The following SPPL2B variants were observed in gnomAD, a reference collection of about 807,000 sequenced individuals.
The protein encoded by SPPL2B is signal peptide peptidase like 2B.
In SPPL2B, 39 loss-of-function variants were observed where a neutral mutation model predicts 59.7. That is an observed-to-expected ratio of 0.65 (90% CI 0.51 to 0.85). The LOEUF (loss-of-function observed/expected upper bound fraction) is 0.85. Among genes scored for constraint, SPPL2B ranks in the 40% least tolerant of loss-of-function variants. SPPL2B has a pLI of 0.00. For missense variants in SPPL2B, 865 were observed against 849.0 expected, an observed-to-expected ratio of 1.02 and a Z score of -0.23; for synonymous variants, 419 against 370.8, an observed-to-expected ratio of 1.13 and a Z score of -1.49.
chr19:2,328,699 C>A lies in SPPL2B; in HGVS notation c.-11C>A. 1.4e-6 allele frequency: 2 copies of A among 1,433,312 alleles called. No individual in the cohort carries two copies. The highest frequency in any genetic ancestry group is 3.0e-5 in the Admixed American group (1 of 33,370). The allele number at this position is 1,433,312 out of a possible 1,614,324, so 88.8% of individuals were successfully genotyped here. On this transcript the variant is annotated 5_prime_UTR_variant, in exon 1 of 15. Transcript: ENST00000613503. Reference sequence around the variant, plus strand: ...AACATCTGCCGTTGGTTGCGGCGGGCACCGGCCGACATGGCGGCAGCGGTG... The same window carrying A: ...AACATCTGCCGTTGGTTGCGGCGGGAACCGGCCGACATGGCGGCAGCGGTG...
intron 2 of SPPL2B, among the ~76,000 whole-genome samples, chr19:2,335,412 C>A (rs559206715): frequency 1.4e-5 from 2 of 139,974 alleles, no homozygotes; most frequent in Non-Finnish European, 3.1e-5. Flanking sequence ...CCACTGCATG[C>A]TTCAGGCCCC....
rs1215454774 is a variant in SPPL2B, at chr19:2,354,686, T to C, written c.*1477T>C. The C allele has an allele frequency of 6.6e-6, 1 of 152,184 alleles. No individual in the cohort carries two copies. Among genetic ancestry groups the C allele is most frequent in the Admixed American group, 6.5e-5 (1 of 15,270 alleles). The allele number at this position is 152,184 out of a possible 1,614,324, so 9.4% of individuals were successfully genotyped here. A position where few individuals can be genotyped will look rare whatever the true frequency, so the allele number is the denominator to read the frequency against. On this transcript the variant is annotated 3_prime_UTR_variant, in exon 15 of 15. Transcript: ENST00000613503. ...CGGGGTGGGGACGTCTCTTTTTTGG[T>C]GTTGGACGTTTGACCAGTGGGGAGG... is the stretch of plus-strand genomic sequence containing the variant.
chr19:2,344,513 G>A (rs1378293194), intron 11 of SPPL2B, 40 bp from the exon 12 acceptor site: 3 of 1,588,942 alleles, frequency 1.9e-6, no homozygotes, highest in Middle Eastern at 1.7e-4. Context: ...GCGGCCGGGT[G>A]AGGGTCCTGG....
At chr19:2,347,113 TTC>T (rs202041624) in intron 13 of SPPL2B, among the ~76,000 whole-genome samples, 5 of 151,936 alleles carry the variant, frequency 3.3e-5, no homozygotes, top group Admixed American at 6.6e-5. Context: ...CTTGATTCCG[TTC>T]TCTCTCCCTC....
At chr19:2,336,208 T>C (rs1968599469) in intron 2 of SPPL2B, among the ~76,000 whole-genome samples, 1 of 151,766 alleles carries the variant, frequency 6.6e-6, no homozygotes, top group African/African-American at 2.4e-5. Flanking sequence ...TGAATGTGTA[T>C]GTCTGTTTTT....
In SPPL2B at chr19:2,351,060, G is replaced by A. The variant is rs562421227; in HGVS notation, c.1355-374G>A. ...TCAGGCACATGTGTCACCTTCGGCT[G>A]ATTTTCTCAGAGGTTCATAGAAACT... On this transcript the variant is annotated intron_variant, in intron 13 of 14. Coordinates refer to ENST00000613503, the MANE Select transcript of SPPL2B (RefSeq NM_152988.3). 7.2e-5 allele frequency among the ~76,000 whole-genome samples: 11 copies of A among 152,336 alleles called. No homozygotes were observed. The South Asian group carries it at 1.9e-3, about 26-fold the overall frequency.
chr19:2,350,761 C>T (rs142561221), intron 13 of SPPL2B, among the ~76,000 whole-genome samples: 124 of 152,340 alleles, frequency 8.1e-4, no homozygotes, highest in Admixed American at 1.7e-3. Context: ...TTTGGCAGGA[C>T]GCGGGTGGGT....
Position 2,337,780 on chromosome 19 carries a change from G to C in SPPL2B, c.369+155G>C, listed in dbSNP as rs1013502780. The C allele has an allele frequency of 2.6e-5, 20 of 761,760 alleles. No homozygotes were observed. In the South Asian group the frequency reaches 3.8e-4, roughly 15 times the overall value. 47.2% of individuals were successfully genotyped at this position (761,760 alleles called of 1,614,324 possible). A position where few individuals can be genotyped will look rare whatever the true frequency, so the allele number is the denominator to read the frequency against. ...TCTGGGCCGAGTGTGAACATGGGGA[G>C]GATCCGGGCCGAGTGTGGCCGTGGG... On this transcript the variant is annotated intron_variant, in intron 3 of 14. Coordinates refer to ENST00000613503, the MANE Select transcript of SPPL2B (RefSeq NM_152988.3).
chr19:2,345,719 G>A (rs956198830), intron 13 of SPPL2B, among the ~76,000 whole-genome samples: 7 of 137,006 alleles, frequency 5.1e-5, no homozygotes, highest in East Asian at 4.6e-4. Context: ...CTGTGCCTCC[G>A]TCCCCGTCTT....
intron 8 of SPPL2B, chr19:2,342,310 T>G (rs914200935): frequency 1.3e-5 from 2 of 152,428 alleles, no homozygotes; most frequent in African/African-American, 4.8e-5. Context: ...CCCCACCCAC[T>G]GTGGACCCAG....
rs535285748 is a variant in SPPL2B, at chr19:2,347,752, G to A, written c.1354+2422G>A. 1.5e-4 allele frequency among the ~76,000 whole-genome samples: 5 copies of A among 33,222 alleles called. 1 individual carries two copies. The highest frequency in any genetic ancestry group is 7.4e-4 in the East Asian group (1 of 1,358). The allele number at this position is 33,222 out of a possible 152,430, so 21.8% of individuals were successfully genotyped here. On this transcript the variant is annotated intron_variant, in intron 13 of 14. Transcript: ENST00000613503. ...CACGCGCTCTCATTCGCCTGATTCC[G>A]TTCTCTCTCCACACACACACACTCT...
chr19:2,353,006 G>C lies in SPPL2B; in HGVS notation c.1576G>C (p.Asp526His). Reference protein sequence around the residue: ...APADGPQPPKDSATPLSPQPP... With the variant: ...APADGPQPPKHSATPLSPQPP... ...AGCCGACGGCCCGCAGCCTCCCAAA[G>C]ACTCTGCCACGCCACTCTCCCCGCA... is the stretch of plus-strand genomic sequence containing the variant. The change falls in exon 15 of 15, where the codon GAC (aspartate) becomes CAC (histidine). Residue 526 changes from aspartate (D) to histidine (H), a missense_variant. Coordinates refer to ENST00000613503, the MANE Select transcript of SPPL2B (RefSeq NM_152988.3). 6.2e-7 allele frequency: 1 copy of C among 1,612,104 alleles called. No homozygotes were observed. The highest frequency in any genetic ancestry group is 8.5e-7 in the Non-Finnish European group (1 of 1,179,682).
Position 2,340,942 on chromosome 19 carries a change from C to T in SPPL2B, c.884C>T (p.Ala295Val). Reference sequence around the variant, plus strand: ...CCCTACTTCCACAAGCGCCCGCAGGCCCGTATGCTGCTCCTGGCGCTCTTC... The same window carrying T: ...CCCTACTTCCACAAGCGCCCGCAGGTCCGTATGCTGCTCCTGGCGCTCTTC... ...SLPYFHKRPQ[A>V]RMLLLALFCV... Residue 295 changes from alanine to valine, a missense_variant, in exon 8 of 15, where the codon GCC becomes GTC. By Grantham distance (64) the Ala-to-Val change is moderately conservative. Transcript: ENST00000613503. The T allele has an allele frequency of 6.2e-7, 1 of 1,603,270 alleles. No individual in the cohort carries two copies. The highest frequency in any genetic ancestry group is 8.5e-7 in the Non-Finnish European group (1 of 1,179,352).
intron 12 of SPPL2B, 103 bp from the exon 13 acceptor site, chr19:2,345,150 G>A: frequency 1.2e-6 from 1 of 855,838 alleles, no homozygotes; most frequent in Non-Finnish European, 1.9e-6. Context: ...GCAGCGAGAG[G>A]CCCACGGCGC....
At chr19:2,330,346 C>T (rs1968218310) in intron 1 of SPPL2B, 1 of 148,008 alleles carries the variant, frequency 6.8e-6, no homozygotes, top group South Asian at 2.1e-4. Flanking sequence ...AACTTCAGAC[C>T]TCAGGTGATC....
chr19:2,332,760 G>A lies in SPPL2B; in HGVS notation c.67-1842G>A, dbSNP rs557204098. Reference sequence around the variant, plus strand: ...GGGACCCCTCCTCCCTGTGCAGGCCGGGCTCCCCTGGGGGCCCACACTGAG... The same window carrying A: ...GGGACCCCTCCTCCCTGTGCAGGCCAGGCTCCCCTGGGGGCCCACACTGAG... On this transcript the variant is annotated intron_variant, in intron 1 of 14. Transcript: ENST00000613503. This position sits in a 1 kb window ranked among gnomAD's most constrained non-coding sequence, Gnocchi z 4.6. Among the ~76,000 whole-genome samples the A allele has an allele frequency of 3.9e-5, 6 of 152,268 alleles. No homozygotes were observed. The highest frequency in any genetic ancestry group is 4.1e-4 in the South Asian group (2 of 4,828).
chr19:2,344,794 G>C (rs927951840), intron 12 of SPPL2B, 142 bp downstream of exon 12: 2 of 661,940 alleles, frequency 3.0e-6, no homozygotes, highest in East Asian at 5.4e-5. Context: ...GGTTGGGGCC[G>C]TTGAGGCCTG....
intron 1 of SPPL2B, 123 bp from the exon 2 acceptor site, chr19:2,334,479 C>T: frequency 2.2e-6 from 3 of 1,346,052 alleles, no homozygotes; most frequent in South Asian, 1.4e-5. Flanking sequence ...GCATCCCAGA[C>T]CACCTGGTGA....
At chr19:2,343,591 G>A (rs535439746) in intron 9 of SPPL2B, among the ~76,000 whole-genome samples, 1 of 152,144 alleles carries the variant, frequency 6.6e-6, no homozygotes, top group Admixed American at 6.5e-5. Flanking sequence ...GTGGTACCGG[G>A]AGTGCGGGGA....
Sources: allele counts gnomAD v4.1 joint callset (sites outside exome capture counted in the v4.1 genomes callset), GRCh38; gene constraint gnomAD v4.1.1; non-coding constraint Gnocchi (gnomAD v3.1); transcripts MANE v1.5; gene names NCBI Gene and HGNC (gene_info 2026-07-23, HGNC 2026-07-21).